BICD1: variants seen among roughly 807,000 people sequenced by gnomAD.
The protein encoded by BICD1 is protein bicaudal D homolog 1.
A neutral mutation model predicts 92.5 loss-of-function variants in BICD1; 35 were observed. The ratio of observed to expected loss-of-function variants is 0.38; its 90% CI spans 0.29 to 0.50. The LOEUF is 0.50. Among genes scored for constraint, BICD1 ranks in the 20% least tolerant of loss-of-function variants. BICD1 has a pLI of 0.93. For synonymous variants in BICD1, 429 were observed against 465.1 expected (o/e 0.92, Z 1.00); for missense variants, 950 against 1,189.8 (o/e 0.80, Z 2.97).
intron 2 of BICD1, among the ~76,000 whole-genome samples, chr12:32,222,752 A>G (rs1416790274): frequency 6.6e-6 from 1 of 152,190 alleles, no homozygotes; most frequent in Non-Finnish European, 1.5e-5. Context: ...GCGAGTTTAT[A>G]TGAGGGCTGG....
chr12:32,155,223 C>T (rs375798360), intron 1 of BICD1, among the ~76,000 whole-genome samples: 7 of 152,176 alleles, frequency 4.6e-5, no homozygotes, highest in Non-Finnish European at 8.8e-5. Flanking sequence ...ATTATTTCAA[C>T]GGCACAAGCA....
rs1948423671 is a variant in BICD1, at chr12:32,313,230, G to A, written c.1005+7108G>A. On this transcript the variant is annotated intron_variant, in intron 4 of 9. Transcript: ENST00000652176. This position sits in a 1 kb window ranked among gnomAD's most constrained non-coding sequence, Gnocchi z 4.2. ...CTGTTGCATCCTCATGGATGTGGAAGAAATATATTCATATTATGTTTTGAT... is the reference window on the plus strand; with the variant it reads ...CTGTTGCATCCTCATGGATGTGGAAAAAATATATTCATATTATGTTTTGAT... Among the ~76,000 whole-genome samples the A allele has an allele frequency of 1.3e-5, 2 of 152,062 alleles. No homozygotes were observed. The highest frequency in any genetic ancestry group is 4.8e-5 in the African/African-American group (2 of 41,390).
chr12:32,292,000 A>G (rs1947738692), intron 2 of BICD1, among the ~76,000 whole-genome samples: 2 of 152,184 alleles, frequency 1.3e-5, no homozygotes, highest in Admixed American at 1.3e-4. Flanking sequence ...CAAAGATAAC[A>G]GTGCATTTAC....
intron 2 of BICD1, among the ~76,000 whole-genome samples, chr12:32,263,740 A>G (rs977207724): frequency 6.6e-6 from 1 of 152,188 alleles, no homozygotes; most frequent in African/African-American, 2.4e-5. Flanking sequence ...TGCAGGAGTC[A>G]TGTGATATAT....
rs1029184966 is a variant in BICD1 at position 32,124,055 on chromosome 12, A to C, written c.213+16511A>C. Among the ~76,000 whole-genome samples, 8 of 152,166 alleles carry C rather than the reference A, an allele frequency of 5.3e-5. No individual in the cohort carries two copies. The East Asian group carries it at 1.5e-3, about 29-fold the overall frequency. On this transcript the variant is annotated intron_variant, in intron 1 of 9. Transcript: ENST00000652176. ...AAGTGTCTTGTGCTCTCTGTCCTTT[A>C]TTCTCCATAATGCGAGCTATCCAGT...
intron 1 of BICD1, among the ~76,000 whole-genome samples, chr12:32,213,633 T>A (rs917799525): frequency 6.6e-6 from 1 of 152,324 alleles, no homozygotes; most frequent in East Asian, 1.9e-4. Flanking sequence ...TGACCTCAGA[T>A]GATCTGTCTC....
chr12:32,332,792 C>T (rs1186863055), intron 5 of BICD1: 10 of 901,118 alleles, frequency 1.1e-5, no homozygotes, highest in Non-Finnish European at 1.3e-5. Flanking sequence ...GGTAGAGAGG[C>T]TTTGGAGTGA....
Position 32,238,965 on chromosome 12 carries a change from G to T in BICD1, c.426+22506G>T, listed in dbSNP as rs1392321824. ...GTCTCAAAAAAAAAAAAAAAAAAAA[G>T]GCTGGGCGCAGTGGCTCACGCCTGT... On this transcript the variant is annotated intron_variant, in intron 2 of 9. Transcript: ENST00000652176. Among the ~76,000 whole-genome samples the T allele has an allele frequency of 1.1e-4, 12 of 106,806 alleles. No individual in the cohort carries two copies. The Admixed American group carries it at 1.1e-3, about 10-fold the overall frequency. 70.1% of individuals were successfully genotyped at this position (106,806 alleles called of 152,430 possible).
intron 1 of BICD1, among the ~76,000 whole-genome samples, chr12:32,163,102 A>G (rs141366077): frequency 6.6e-6 from 1 of 152,350 alleles, no homozygotes; most frequent in East Asian, 1.9e-4. Context: ...ATGTTAAATG[A>G]TAACGCAGGG....
At chr12:32,223,410 C>T (rs374536088) in intron 2 of BICD1, among the ~76,000 whole-genome samples, 2 of 151,186 alleles carry the variant, frequency 1.3e-5, no homozygotes, top group African/African-American at 2.4e-5. Context: ...CCCAGCTACT[C>T]GGGAGGCTGA....
rs1174116757 is a variant in BICD1, at chr12:32,239,582, GT to G, written c.426+23129del. The stretch of plus-strand genomic sequence containing the variant: ...GCGATCTCGGCTCACGATCGTTAGC[GT>G]TTTTTAACACTCAAGTGTTTTTGGT... On this transcript the variant is annotated intron_variant, in intron 2 of 9. Coordinates refer to ENST00000652176, the MANE Select transcript of BICD1 (RefSeq NM_001714.4). Among the ~76,000 whole-genome samples the G allele has an allele frequency of 2.7e-5, 4 of 150,878 alleles. No homozygotes were observed. The East Asian group carries it at 6.0e-4, about 23-fold the overall frequency.
At chr12:32,107,686 T>C (rs1211334616) in intron 1 of BICD1, 142 bp downstream of exon 1, 1 of 940,968 alleles carries the variant, frequency 1.1e-6, no homozygotes, top group Admixed American at 2.0e-5. Context: ...AAGAGAAGAT[T>C]GAAAGAGTCC....
At position 32,179,566 on chromosome 12, in the gene BICD1, C is replaced by T. The variant is rs191958298; in HGVS notation, c.214-36681C>T. On this transcript the variant is annotated intron_variant, in intron 1 of 9. Transcript: ENST00000652176. ...AATTGAATAGTAAAGGAATCTAAAT[C>T]TCTACTTTCTTGATTCCCAGTGTGC... Among the ~76,000 whole-genome samples the T allele has an allele frequency of 5.6e-4, 85 of 152,038 alleles. 1 individual carries two copies. The highest frequency in any genetic ancestry group is 3.4e-3 in the Middle Eastern group (1 of 294).
intron 3 of BICD1, among the ~76,000 whole-genome samples, chr12:32,301,233 A>G (rs1431503875): frequency 6.6e-6 from 1 of 152,176 alleles, no homozygotes; most frequent in Non-Finnish European, 1.5e-5. Context: ...TGAGATTCCT[A>G]TAATCAGAGA....
chr12:32,216,163 C>T (rs1945354983), intron 1 of BICD1, 84 bp from the exon 2 acceptor site: 4 of 1,400,008 alleles, frequency 2.9e-6, no homozygotes, highest in Non-Finnish European at 3.9e-6. Flanking sequence ...CACATATAAG[C>T]AGAAGAAAAC....
intron 8 of BICD1, among the ~76,000 whole-genome samples, chr12:32,365,169 G>A (rs565200032): frequency 2.0e-5 from 3 of 152,274 alleles, no homozygotes; most frequent in South Asian, 2.1e-4. Flanking sequence ...CCCAGGAGGC[G>A]GAGATTGCAG....
rs184150194 is a variant in BICD1 at position 32,132,142 on chromosome 12, G to A, written c.213+24598G>A. ...GTAAAGATCTTGAGATGGGGGCTGG[G>A]CACTGTGGCTCACACCTGTAATCCC... On this transcript the variant is annotated intron_variant, in intron 1 of 9. Coordinates refer to ENST00000652176, the MANE Select transcript of BICD1 (RefSeq NM_001714.4). Among the ~76,000 whole-genome samples, 33 of 152,264 alleles carry A rather than the reference G, an allele frequency of 2.2e-4. No individual in the cohort carries two copies. The East Asian group carries it at 5.4e-3, about 25-fold the overall frequency.
intron 2 of BICD1, among the ~76,000 whole-genome samples, chr12:32,254,173 T>C (rs1489402571): frequency 1.1e-4 from 15 of 142,632 alleles, no homozygotes; most frequent in Non-Finnish European, 2.1e-4. Flanking sequence ...ATATCCCACC[T>C]GCCGTATTCA....
chr12:32,280,145 G>A (rs1359203889), intron 2 of BICD1, among the ~76,000 whole-genome samples: 1 of 151,962 alleles, frequency 6.6e-6, no homozygotes, highest in African/African-American at 2.4e-5. Context: ...TGCAGTATGG[G>A]TTTCACTGTA....
Sources: allele counts gnomAD v4.1 joint callset (sites outside exome capture counted in the v4.1 genomes callset), GRCh38; gene constraint gnomAD v4.1.1; non-coding constraint Gnocchi (gnomAD v3.1); transcripts MANE v1.5; gene names NCBI Gene and HGNC (gene_info 2026-07-23, HGNC 2026-07-21).